The following UBAC2 variants were observed in gnomAD, a reference collection of about 807,000 sequenced individuals.
UBAC2 encodes ubiquitin-associated domain-containing protein 2.
In UBAC2, 26 loss-of-function variants were observed where a neutral mutation model predicts 44.0. That is an observed-to-expected ratio of 0.59 (90% CI 0.43 to 0.82). The LOEUF (loss-of-function observed/expected upper bound fraction) is 0.82. UBAC2 is among the 40% of genes least tolerant of loss of function. The pLI is 0.00. For synonymous variants in UBAC2, 155 were observed against 154.3 expected, an observed-to-expected ratio of 1.00 and a Z score of -0.04; for missense variants, 329 against 419.4, an observed-to-expected ratio of 0.78 and a Z score of 1.88.
chr13:99,262,710 C>CAAAAAAAAAAAAAAAAAAAAAAAA (rs61627160), intron 4 of UBAC2, among the ~76,000 whole-genome samples: 1 of 57,158 alleles, frequency 1.7e-5, no homozygotes, highest in Non-Finnish European at 3.1e-5. Flanking sequence ...AACTCCCTCT[C>CAAAAAAAAAAAAAAAAAAAAAAAA]AAAAAAAAAA....
chr13:99,372,219 C>G (rs193164846), intron 8 of UBAC2: 4 of 152,320 alleles, frequency 2.6e-5, no homozygotes, highest in Non-Finnish European at 5.9e-5. Flanking sequence ...TCTGCTCATG[C>G]CTTCCCTGTG....
At chr13:99,328,634 C>G (rs2044672849) in intron 6 of UBAC2, among the ~76,000 whole-genome samples, 1 of 151,970 alleles carries the variant, frequency 6.6e-6, no homozygotes, top group South Asian at 2.1e-4. Context: ...TGGTCATTTT[C>G]ATATCTTTTG....
At position 99,284,764 on chromosome 13, in the gene UBAC2, G is replaced by A. The variant is rs114192594; in HGVS notation, c.390-29333G>A. On this transcript the variant is annotated intron_variant, in intron 4 of 8. Coordinates refer to ENST00000403766, the MANE Select transcript of UBAC2 (RefSeq NM_001144072.2). ...GACTGTTCCTCAGTCTGTCTTGGGC[G>A]ACCTTGGCATTTTTGAAGACTGTAA... 5.4e-3 allele frequency among the ~76,000 whole-genome samples: 815 copies of A among 152,256 alleles called. 6 individuals are homozygous for A. The highest frequency in any genetic ancestry group is 0.015 in the African/African-American group (635 of 41,528).
At chr13:99,351,782 G>A (rs1290459896) in intron 7 of UBAC2, 4 of 456,626 alleles carry the variant, frequency 8.8e-6, no homozygotes, top group Non-Finnish European at 1.3e-5. Flanking sequence ...ACATTTGGCA[G>A]CAAAGCCCAG....
intron 4 of UBAC2, among the ~76,000 whole-genome samples, chr13:99,290,728 C>CAAAAAAA (rs35343898): frequency 1.1e-5 from 1 of 93,788 alleles, no homozygotes. Context: ...GTTTCACCAC[C>CAAAAAAA]AAAAAAAAAA....
At chr13:99,282,696 A>C (rs1379048548) in intron 4 of UBAC2, among the ~76,000 whole-genome samples, 2 of 152,238 alleles carry the variant, frequency 1.3e-5, no homozygotes, top group Non-Finnish European at 2.9e-5. Context: ...GTCTGGTTGT[A>C]TTCAAGATTC....
At chr13:99,361,339 C>G (rs981479216) in intron 7 of UBAC2, among the ~76,000 whole-genome samples, 2 of 152,080 alleles carry the variant, frequency 1.3e-5, no homozygotes, top group African/African-American at 4.8e-5. Context: ...CATATTTAAC[C>G]CTACGTAAAG....
intron 6 of UBAC2, among the ~76,000 whole-genome samples, chr13:99,333,820 T>G (rs1772624553): frequency 6.6e-6 from 1 of 152,138 alleles, no homozygotes. Flanking sequence ...TCTTTAACCT[T>G]CCTCAGTTTC....
chr13:99,255,225 G>C, intron 4 of UBAC2: 1 of 1,614,062 alleles, frequency 6.2e-7, no homozygotes, highest in Non-Finnish European at 8.5e-7. Flanking sequence ...ACGTCCTGCC[G>C]TGAAGGAGAT....
rs939506024 is a variant in UBAC2 at position 99,351,515 on chromosome 13, T to C, written c.807+10950T>C. 21 of 456,580 alleles carry C rather than the reference T, an allele frequency of 4.6e-5. No homozygotes were observed. The Admixed American group carries it at 4.9e-4, about 11-fold the overall frequency. The allele number at this position is 456,580 out of a possible 1,614,324, so 28.3% of individuals were successfully genotyped here. A position where few individuals can be genotyped will look rare whatever the true frequency, so the allele number is the denominator to read the frequency against. On this transcript the variant is annotated intron_variant, in intron 7 of 8. Coordinates refer to ENST00000403766, the MANE Select transcript of UBAC2 (RefSeq NM_001144072.2). ...ATTTGCCAGTCCCTGCTGTAGAAGG[T>C]TATATAGCCAGCAGCTTTCAAAGTA... is the stretch of plus-strand genomic sequence containing the variant.
At chr13:99,380,605 A>G (rs2045538481) in intron 8 of UBAC2, among the ~76,000 whole-genome samples, 1 of 152,168 alleles carries the variant, frequency 6.6e-6, no homozygotes, top group African/African-American at 2.4e-5. Flanking sequence ...GTATTGGGTA[A>G]GCACCCATCG....
At chr13:99,296,890 G>C (rs1211502149) in intron 4 of UBAC2, among the ~76,000 whole-genome samples, 3 of 151,498 alleles carry the variant, frequency 2.0e-5, no homozygotes, top group Non-Finnish European at 4.4e-5. Context: ...CTATCAATCT[G>C]CAAGTACTCC....
intron 8 of UBAC2, among the ~76,000 whole-genome samples, chr13:99,369,399 T>A (rs1359338304): frequency 6.6e-6 from 1 of 152,200 alleles, no homozygotes; most frequent in Non-Finnish European, 1.5e-5. Flanking sequence ...TTTGCGATGC[T>A]GGGCAGCGAC....
At chr13:99,329,230 C>A (rs1260672002) in intron 6 of UBAC2, among the ~76,000 whole-genome samples, 1 of 152,164 alleles carries the variant, frequency 6.6e-6, no homozygotes, top group Non-Finnish European at 1.5e-5. Context: ...AATATAAGTC[C>A]TCCCACCTTG....
At chr13:99,338,040 T>TTTTTTC (rs1341600837) in intron 6 of UBAC2, among the ~76,000 whole-genome samples, 1,922 of 26,184 alleles carry the variant, frequency 0.073, 55 homozygotes, top group African/African-American at 0.13. Context: ...ACTTTTTTTC[T>TTTTTTC]TTTTTTCTTT....
At chr13:99,201,348 C>T in intron 1 of UBAC2, 4 of 1,546,370 alleles carry the variant, frequency 2.6e-6, no homozygotes, top group Non-Finnish European at 3.5e-6. Context: ...CGAACTAACT[C>T]CCCCCGCCCC....
chr13:99,318,330 G>A (rs2044520965), intron 6 of UBAC2, among the ~76,000 whole-genome samples: 1 of 151,626 alleles, frequency 6.6e-6, no homozygotes. Context: ...ACCACGCCTG[G>A]ATAATTTTGT....
chr13:99,201,139 G>A, intron 1 of UBAC2, 200 bp downstream of exon 1: 1 of 1,356,992 alleles, frequency 7.4e-7, no homozygotes. Context: ...GGGGCGAATG[G>A]GGACAAAGCC....
intron 6 of UBAC2, among the ~76,000 whole-genome samples, chr13:99,334,884 A>G (rs1430542249): frequency 1.3e-5 from 2 of 152,070 alleles, no homozygotes; most frequent in African/African-American, 4.8e-5. Context: ...TCTACAAGAC[A>G]CACTTTAAAT....
Sources: gnomAD v4.1 joint callset for allele counts (sites outside exome capture counted in the v4.1 genomes callset) on GRCh38, gnomAD v4.1.1 for gene constraint, MANE v1.5 for transcripts, NCBI Gene and HGNC (gene_info 2026-07-23, HGNC 2026-07-21) for gene names.